AGBL4: variants seen among roughly 807,000 people sequenced by gnomAD.
AGBL4 encodes AGBL carboxypeptidase 4.
Under a neutral mutation model 66.4 loss-of-function variants are expected in AGBL4, and 58 were observed. The observed-to-expected ratio is 0.87, with a 90% CI of 0.71 to 1.09. The LOEUF (loss-of-function observed/expected upper bound fraction) is 1.09. AGBL4 is among the 50% of genes least tolerant of loss of function. AGBL4 has a pLI of 0.00. For missense variants in AGBL4, 579 were observed against 631.0 expected (o/e 0.92, Z 0.88); for synonymous variants, 234 against 222.9 (o/e 1.05, Z -0.44).
At chr1:48,755,681 G>C (rs1471970638) in intron 6 of AGBL4, among the ~76,000 whole-genome samples, 1 of 152,092 alleles carries the variant, frequency 6.6e-6, no homozygotes, top group Admixed American at 6.6e-5. Context: ...TTACAGCAAG[G>C]GGATATCTTA....
At chr1:49,725,557 T>C (rs1284971797) in intron 2 of AGBL4, among the ~76,000 whole-genome samples, 1 of 152,088 alleles carries the variant, frequency 6.6e-6, no homozygotes, top group Non-Finnish European at 1.5e-5. Flanking sequence ...ACAAGGTATA[T>C]TCAACATGTC....
intron 1 of AGBL4, among the ~76,000 whole-genome samples, chr1:49,889,039 A>G (rs910369981): frequency 1.3e-5 from 2 of 152,242 alleles, no homozygotes; most frequent in African/African-American, 4.8e-5. Context: ...GTTGTTCACA[A>G]TTAATAACTG....
intron 5 of AGBL4, among the ~76,000 whole-genome samples, chr1:48,888,662 A>G (rs1280637796): frequency 6.6e-6 from 1 of 150,828 alleles, no homozygotes; most frequent in Non-Finnish European, 1.5e-5. Flanking sequence ...GGAATCGTGA[A>G]TCCATTAACC....
At chr1:49,459,123 G>T (rs568597495) in intron 3 of AGBL4, among the ~76,000 whole-genome samples, 1 of 151,512 alleles carries the variant, frequency 6.6e-6, no homozygotes, top group African/African-American at 2.4e-5. Flanking sequence ...TTCATAGAAT[G>T]ATTTAAGAAG....
chr1:48,757,512 G>GAGTGACT (rs1188512264), intron 6 of AGBL4, among the ~76,000 whole-genome samples: 1 of 152,124 alleles, frequency 6.6e-6, no homozygotes, highest in Non-Finnish European at 1.5e-5. Flanking sequence ...CCTATGAATT[G>GAGTGACT]AGTGACTAGA....
intron 1 of AGBL4, among the ~76,000 whole-genome samples, chr1:49,862,792 C>A (rs905979559): frequency 1.3e-5 from 2 of 152,112 alleles, no homozygotes; most frequent in African/African-American, 4.8e-5. Context: ...GTATGTCCAA[C>A]AAAAATACCC....
At chr1:49,869,139 A>G (rs1175963284) in intron 1 of AGBL4, among the ~76,000 whole-genome samples, 1 of 152,248 alleles carries the variant, frequency 6.6e-6, no homozygotes, top group Non-Finnish European at 1.5e-5. Context: ...ACACTTTTAC[A>G]CTGTTGGTGG....
intron 3 of AGBL4, among the ~76,000 whole-genome samples, chr1:49,538,945 A>G (rs1651806198): frequency 6.6e-6 from 1 of 152,166 alleles, no homozygotes; most frequent in South Asian, 2.1e-4. Context: ...ACTTTATTTC[A>G]GGGAAATAAT....
At chr1:49,503,993 ATGATT>A (rs1327824808) in intron 3 of AGBL4, among the ~76,000 whole-genome samples, 2 of 152,120 alleles carry the variant, frequency 1.3e-5, no homozygotes, top group Non-Finnish European at 2.9e-5. Context: ...ACAAAATGAT[ATGATT>A]TGTCTGTGTC....
At chr1:49,987,942 GT>G (rs879539163) in intron 1 of AGBL4, among the ~76,000 whole-genome samples, 24 of 150,444 alleles carry the variant, frequency 1.6e-4, no homozygotes, top group Middle Eastern at 6.8e-3. Flanking sequence ...GAAAAAACAT[GT>G]ACGAATTTAA....
intron 8 of AGBL4, among the ~76,000 whole-genome samples, chr1:48,641,956 A>T (rs1294358273): frequency 6.6e-6 from 1 of 152,122 alleles, no homozygotes; most frequent in African/African-American, 2.4e-5. Context: ...CTAACATGAA[A>T]GGTTCCTTTA....
At chr1:49,206,021 A>G (rs1570060637) in intron 4 of AGBL4, among the ~76,000 whole-genome samples, 2 of 152,176 alleles carry the variant, frequency 1.3e-5, no homozygotes, top group East Asian at 3.9e-4. Context: ...TGTCAGCATT[A>G]GCCAAGGGGA....
chr1:49,240,446 C>T (rs1488567947), intron 4 of AGBL4, among the ~76,000 whole-genome samples: 1 of 152,044 alleles, frequency 6.6e-6, no homozygotes, highest in Non-Finnish European at 1.5e-5. Flanking sequence ...ACCTCCATGT[C>T]ACTACATGCT....
At chr1:49,806,093 G>T (rs995506066) in intron 2 of AGBL4, among the ~76,000 whole-genome samples, 11 of 152,154 alleles carry the variant, frequency 7.2e-5, no homozygotes, top group African/African-American at 2.7e-4. Context: ...GCTAGAAAAA[G>T]CCTACATTCC....
At chr1:49,658,095 T>C (rs1030386988) in intron 3 of AGBL4, among the ~76,000 whole-genome samples, 5 of 152,136 alleles carry the variant, frequency 3.3e-5, no homozygotes, top group Non-Finnish European at 5.9e-5. Flanking sequence ...AGAAAATTTT[T>C]GCAATCTACT....
chr1:49,222,354 G>GCC (rs547291328), intron 4 of AGBL4, among the ~76,000 whole-genome samples: 1 of 151,126 alleles, frequency 6.6e-6, no homozygotes, highest in Non-Finnish European at 1.5e-5. Context: ...AATCAGAAAG[G>GCC]CCATGGGGCC....
intron 2 of AGBL4, among the ~76,000 whole-genome samples, chr1:49,848,368 T>C (rs1646211741): frequency 6.6e-6 from 1 of 152,214 alleles, no homozygotes; most frequent in South Asian, 2.1e-4. Context: ...TTACTTGCAC[T>C]CCAATGTTTA....
intron 3 of AGBL4, among the ~76,000 whole-genome samples, chr1:49,467,244 G>A (rs1285279001): frequency 6.6e-6 from 1 of 151,780 alleles, no homozygotes; most frequent in Non-Finnish European, 1.5e-5. Context: ...GCCAGAAATA[G>A]AACTATAAAT....
At chr1:49,275,013 A>T (rs1644139737) in intron 3 of AGBL4, among the ~76,000 whole-genome samples, 2 of 152,184 alleles carry the variant, frequency 1.3e-5, no homozygotes, top group African/African-American at 2.4e-5. Flanking sequence ...CAGAATTTAA[A>T]AATTATTTGT....
Sources: allele counts gnomAD v4.1 joint callset (sites outside exome capture counted in the v4.1 genomes callset), GRCh38; gene constraint gnomAD v4.1.1; transcripts MANE v1.5; gene names NCBI Gene and HGNC (gene_info 2026-07-23, HGNC 2026-07-21).